The following ROR1 variants were observed in gnomAD, a reference collection of about 807,000 sequenced individuals.
The protein encoded by ROR1 is ROR family WNT receptor 1.
A neutral mutation model predicts 78.8 loss-of-function variants in ROR1; 19 were observed. The ratio of observed to expected loss-of-function variants is 0.24; its 90% CI spans 0.17 to 0.35. The LOEUF (loss-of-function observed/expected upper bound fraction) is 0.35, where lower values mean the gene tolerates loss of function less well. Among genes scored for constraint, ROR1 ranks in the 10% least tolerant of loss-of-function variants. ROR1 has a pLI of 1.00. For missense variants in ROR1, 917 were observed against 1,177.8 expected (o/e 0.78, Z 3.24); for synonymous variants, 386 against 433.6 (o/e 0.89, Z 1.36).
intron 1 of ROR1, among the ~76,000 whole-genome samples, chr1:63,948,171 CCT>C (rs986939033): frequency 2.0e-5 from 3 of 151,996 alleles, no homozygotes; most frequent in African/African-American, 4.8e-5. Context: ...AAGTTGATCC[CCT>C]GAGATAATAA....
At chr1:64,084,180 C>CTTTA (rs1182174403) in intron 4 of ROR1, among the ~76,000 whole-genome samples, 2 of 152,208 alleles carry the variant, frequency 1.3e-5, no homozygotes, top group African/African-American at 4.8e-5. Flanking sequence ...TGGCACTGTA[C>CTTTA]TTTATCATAA....
At chr1:63,904,716 G>A (rs914004011) in intron 1 of ROR1, among the ~76,000 whole-genome samples, 1 of 152,120 alleles carries the variant, frequency 6.6e-6, no homozygotes, top group Non-Finnish European at 1.5e-5. Flanking sequence ...CTTATAAGAC[G>A]AGGAGATTAG....
intron 1 of ROR1, among the ~76,000 whole-genome samples, chr1:63,991,641 A>G (rs1311033460): frequency 6.6e-6 from 1 of 152,132 alleles, no homozygotes; most frequent in Non-Finnish European, 1.5e-5. Flanking sequence ...AATTTGGGCT[A>G]TGTTTGGTTT....
intron 2 of ROR1, among the ~76,000 whole-genome samples, chr1:64,033,635 G>T (rs1185649524): frequency 6.6e-6 from 1 of 152,118 alleles, no homozygotes; most frequent in Non-Finnish European, 1.5e-5. Context: ...ATTAATGGAG[G>T]TTTTACTATA....
intron 1 of ROR1, among the ~76,000 whole-genome samples, chr1:63,870,820 C>G (rs140192672): frequency 4.6e-4 from 70 of 152,238 alleles, no homozygotes; most frequent in African/African-American, 1.6e-3. Flanking sequence ...ATGAAATTCT[C>G]CAAAAGGAGA....
intron 1 of ROR1, among the ~76,000 whole-genome samples, chr1:63,818,426 C>T (rs1001176073): frequency 1.3e-5 from 2 of 152,210 alleles, no homozygotes; most frequent in East Asian, 3.8e-4. Context: ...ACACCACCTA[C>T]ATTCTACTAT....
intron 2 of ROR1, among the ~76,000 whole-genome samples, chr1:64,049,436 A>G (rs1646810511): frequency 6.6e-6 from 1 of 152,186 alleles, no homozygotes; most frequent in Non-Finnish European, 1.5e-5. Flanking sequence ...AAGCTTATCC[A>G]TGTAGTCTTT....
chr1:64,055,145 A>G (rs971470900), intron 4 of ROR1, among the ~76,000 whole-genome samples: 1 of 152,214 alleles, frequency 6.6e-6, no homozygotes, highest in Non-Finnish European at 1.5e-5. Flanking sequence ...TTGGGAGGAC[A>G]TGGTTCAACC....
At chr1:64,080,750 T>C (rs1391272755) in intron 4 of ROR1, among the ~76,000 whole-genome samples, 1 of 152,164 alleles carries the variant, frequency 6.6e-6, no homozygotes, top group Non-Finnish European at 1.5e-5. Flanking sequence ...AAGCTACAGA[T>C]ACAGCCACAT....
intron 4 of ROR1, among the ~76,000 whole-genome samples, chr1:64,062,989 CA>C (rs759800359): frequency 9.2e-5 from 14 of 152,098 alleles, no homozygotes; most frequent in Non-Finnish European, 1.9e-4. Flanking sequence ...AAAGAAAAAA[CA>C]TACACATTTT....
chr1:63,825,609 C>G (rs1338939395), intron 1 of ROR1, among the ~76,000 whole-genome samples: 1 of 152,194 alleles, frequency 6.6e-6, no homozygotes, highest in East Asian at 1.9e-4. Context: ...GATTGCACGA[C>G]TGTATATATT....
intron 1 of ROR1, among the ~76,000 whole-genome samples, chr1:63,945,962 C>G (rs1645885160): frequency 6.6e-6 from 1 of 152,212 alleles, no homozygotes; most frequent in Non-Finnish European, 1.5e-5. Context: ...TCATCTCCCT[C>G]TTGTTCTGCC....
intron 1 of ROR1, among the ~76,000 whole-genome samples, chr1:63,853,306 T>C (rs1379787184): frequency 1.3e-5 from 2 of 152,234 alleles, no homozygotes; most frequent in Admixed American, 6.5e-5. Flanking sequence ...GTAAGTACTA[T>C]TGTTAGCCTC....
intron 4 of ROR1, among the ~76,000 whole-genome samples, chr1:64,091,149 G>A (rs1647193632): frequency 6.6e-6 from 1 of 152,072 alleles, no homozygotes; most frequent in Admixed American, 6.6e-5. Flanking sequence ...ATTCTCACAT[G>A]TGCAAGTGCA....
At chr1:63,866,543 C>G (rs1185443037) in intron 1 of ROR1, among the ~76,000 whole-genome samples, 1 of 152,142 alleles carries the variant, frequency 6.6e-6, no homozygotes, top group East Asian at 1.9e-4. Flanking sequence ...GCTGAATTTC[C>G]TCTTGTCAGT....
intron 1 of ROR1, among the ~76,000 whole-genome samples, chr1:63,919,477 C>G (rs1569910193): frequency 7.3e-6 from 1 of 136,252 alleles, no homozygotes; most frequent in East Asian, 2.3e-4. Flanking sequence ...GAGCAGTGTT[C>G]ATTGAATTGG....
At chr1:64,118,632 C>CA (rs3084938) in intron 4 of ROR1, among the ~76,000 whole-genome samples, 1,526 of 65,662 alleles carry the variant, frequency 0.023, 106 homozygotes, top group East Asian at 0.062. Flanking sequence ...GACTCCATCT[C>CA]AAAAAAAAAA....
chr1:63,799,210 C>T (rs1256237862), intron 1 of ROR1, among the ~76,000 whole-genome samples: 2 of 151,430 alleles, frequency 1.3e-5, no homozygotes, highest in Non-Finnish European at 2.9e-5. Context: ...GTGTTCAAGT[C>T]ACTTTTCTTA....
chr1:63,913,651 A>T (rs992107706), intron 1 of ROR1, among the ~76,000 whole-genome samples: 1 of 152,074 alleles, frequency 6.6e-6, no homozygotes, highest in African/African-American at 2.4e-5. Context: ...CCTCCCCCTG[A>T]GATTTTCTTA....
Sources: gnomAD v4.1 joint callset for allele counts (sites outside exome capture counted in the v4.1 genomes callset) on GRCh38, gnomAD v4.1.1 for gene constraint, MANE v1.5 for transcripts, NCBI Gene and HGNC (gene_info 2026-07-23, HGNC 2026-07-21) for gene names.